The following CLDN16 variants were observed in gnomAD, a reference collection of about 807,000 sequenced individuals.
The protein encoded by CLDN16 is claudin-16.
A neutral mutation model predicts 24.6 loss-of-function variants in CLDN16; 13 were observed. The ratio of observed to expected loss-of-function variants is 0.53; its 90% CI spans 0.34 to 0.84. The LOEUF (loss-of-function observed/expected upper bound fraction) is 0.84, where lower values mean the gene tolerates loss of function less well. Ranked by LOEUF, CLDN16 falls within the 40% of genes least tolerant of loss-of-function variation. The pLI is 0.01. For synonymous variants in CLDN16, 116 were observed against 106.7 expected (o/e 1.09, Z -0.54); for missense variants, 298 against 292.7 (o/e 1.02, Z -0.13).
chr3:190,408,599 T>C (rs920555685), intron 4 of CLDN16, 94 bp downstream of exon 4: 6 of 1,186,194 alleles, frequency 5.1e-6, no homozygotes, highest in African/African-American at 1.5e-5. Flanking sequence ...AAATGTTATT[T>C]ATTTGAATTC....
chr3:190,297,569 GTATATAATATATAATATATATC>G, the CLDN16 span, among the ~76,000 whole-genome samples: 1 of 125,390 alleles, frequency 8.0e-6, no homozygotes, highest in African/African-American at 2.8e-5. Flanking sequence ...ATAATATATA[GTATATAATATATAATATATATC>G]TATATAATAT....
chr3:190,376,554 C>T (rs1357124233), intron 3 of CLDN16, among the ~76,000 whole-genome samples: 4 of 151,762 alleles, frequency 2.6e-5, no homozygotes, highest in Admixed American at 1.3e-4. Flanking sequence ...CCAAAAGAGT[C>T]TGAAAAAGTT....
chr3:190,310,746 A>C, the CLDN16 span, among the ~76,000 whole-genome samples: 3 of 152,176 alleles, frequency 2.0e-5, no homozygotes, highest in Non-Finnish European at 4.4e-5. Context: ...ATGTCTCAGA[A>C]TGGACCAGAA....
chr3:190,290,788 G>A, the CLDN16 span, among the ~76,000 whole-genome samples: 1 of 152,208 alleles, frequency 6.6e-6, no homozygotes, highest in Non-Finnish European at 1.5e-5. Flanking sequence ...AAGAAATGAA[G>A]AGGAATTAAT....
chr3:190,300,050 G>C, the CLDN16 span, among the ~76,000 whole-genome samples: 1 of 152,166 alleles, frequency 6.6e-6, no homozygotes, highest in Non-Finnish European at 1.5e-5. Context: ...GGACAACTTG[G>C]AATGTGAGAA....
intron 1 of CLDN16, among the ~76,000 whole-genome samples, chr3:190,392,764 T>C (rs1022294827): frequency 2.0e-5 from 3 of 152,194 alleles, no homozygotes; most frequent in Non-Finnish European, 4.4e-5. Flanking sequence ...GTTTGCGGTA[T>C]TTTGTATATT....
intron 2 of CLDN16, 108 bp downstream of exon 2, chr3:190,402,547 G>A (rs1473683779): frequency 6.0e-6 from 5 of 827,566 alleles, no homozygotes; most frequent in Admixed American, 1.9e-5. Context: ...ATTAAGGTTC[G>A]GTCCAGTTTG....
intron 1 of CLDN16, among the ~76,000 whole-genome samples, chr3:190,370,478 T>A (rs769805936): frequency 3.9e-5 from 6 of 151,962 alleles, no homozygotes; most frequent in Non-Finnish European, 8.8e-5. Context: ...CATTACGGCT[T>A]GGTTGTAAAA....
chr3:190,373,466 T>C (rs1247399145), intron 2 of CLDN16, among the ~76,000 whole-genome samples: 1 of 152,030 alleles, frequency 6.6e-6, no homozygotes, highest in Non-Finnish European at 1.5e-5. Flanking sequence ...CTCAATCTTC[T>C]TGAAAAGCTG....
intron 1 of CLDN16, among the ~76,000 whole-genome samples, chr3:190,368,908 C>G (rs778933871): frequency 3.9e-5 from 6 of 151,948 alleles, no homozygotes; most frequent in Admixed American, 6.6e-5. Flanking sequence ...CTACTAAAGG[C>G]CATCCCAGTG....
chr3:190,309,389 T>C, the CLDN16 span, among the ~76,000 whole-genome samples: 5 of 152,294 alleles, frequency 3.3e-5, 1 homozygote, highest in South Asian at 1.0e-3. Context: ...CTCCCATATG[T>C]GGGTGATTAT....
At chr3:190,401,584 T>C (rs1354721154) in intron 1 of CLDN16, among the ~76,000 whole-genome samples, 1 of 152,150 alleles carries the variant, frequency 6.6e-6, no homozygotes, top group East Asian at 1.9e-4. Flanking sequence ...GTAGATAAAG[T>C]ATGAGAAGGT....
chr3:190,407,859 G>C (rs1457461914), intron 3 of CLDN16, among the ~76,000 whole-genome samples: 1 of 152,184 alleles, frequency 6.6e-6, no homozygotes, highest in African/African-American at 2.4e-5. Context: ...AGGGGGTACA[G>C]GGAGCATTAA....
At chr3:190,349,437 C>T (rs1717625329) in intron 1 of CLDN16, among the ~76,000 whole-genome samples, 1 of 152,206 alleles carries the variant, frequency 6.6e-6, no homozygotes, top group Non-Finnish European at 1.5e-5. Context: ...GTCAGTCAAA[C>T]TTCTTTTCTT....
chr3:190,352,154 T>TAAA (rs146174032), intron 1 of CLDN16, among the ~76,000 whole-genome samples: 2 of 150,972 alleles, frequency 1.3e-5, no homozygotes, highest in African/African-American at 4.9e-5. Context: ...TTTTTTTTTT[T>TAAA]AAAAAAAGAC....
At chr3:190,305,806 G>C in the CLDN16 span, 1 of 152,112 alleles carries the variant, frequency 6.6e-6, no homozygotes, top group Non-Finnish European at 1.5e-5. Context: ...TTCCAGGTGT[G>C]GTAGAAGAAT....
chr3:190,363,332 AT>A (rs1717941319), intron 1 of CLDN16, among the ~76,000 whole-genome samples: 1 of 150,966 alleles, frequency 6.6e-6, no homozygotes, highest in Admixed American at 6.6e-5. Flanking sequence ...AAACTGGTCC[AT>A]TTTTTTCATT....
chr3:190,378,173 C>T (rs1025312615), intron 3 of CLDN16, among the ~76,000 whole-genome samples: 1 of 151,846 alleles, frequency 6.6e-6, no homozygotes, highest in Admixed American at 6.6e-5. Context: ...ATTATTACAA[C>T]AAGCAAAGAG....
At chr3:190,332,888 T>C (rs1252562111) in intron 1 of CLDN16, among the ~76,000 whole-genome samples, 1 of 152,102 alleles carries the variant, frequency 6.6e-6, no homozygotes, top group Non-Finnish European at 1.5e-5. Flanking sequence ...TTTGCTTTAT[T>C]AAGGATTGAG....
Sources: gnomAD v4.1 joint callset for allele counts (sites outside exome capture counted in the v4.1 genomes callset) on GRCh38, gnomAD v4.1.1 for gene constraint, MANE v1.5 for transcripts, NCBI Gene and HGNC (gene_info 2026-07-23, HGNC 2026-07-21) for gene names.